SLC19A1: variants seen among roughly 807,000 people sequenced by gnomAD.
SLC19A1 encodes reduced folate transporter.
Under a neutral mutation model 35.3 loss-of-function variants are expected in SLC19A1, and 37 were observed. That is an observed-to-expected ratio of 1.05 (90% CI 0.81 to 1.38). SLC19A1 has a LOEUF of 1.38. Ranked by LOEUF, SLC19A1 falls within the 40% of genes most tolerant of loss-of-function variation. The pLI, the probability that SLC19A1 is intolerant of heterozygous loss-of-function variation, is 0.00. For synonymous variants in SLC19A1, 460 were observed against 398.5 expected, an observed-to-expected ratio of 1.15 and a Z score of -1.84; for missense variants, 831 against 826.9, an observed-to-expected ratio of 1.00 and a Z score of -0.06.
chr21:45,553,545 G>A lies in SLC19A1; in HGVS notation c.-50+9197C>T, dbSNP rs1379206332. ...ATTAAGGACATTCACACTGTTGTGC[G>A]GCCGTCACCCCCATCATCTCCAGAA... On this transcript the variant is annotated intron_variant, in intron 1 of 5. Coordinates refer to the SLC19A1 transcript ENST00000650808. Among the ~76,000 whole-genome samples, 5 of 151,184 alleles carry A rather than the reference G, an allele frequency of 3.3e-5. No individual in the cohort carries two copies. The East Asian group carries it at 5.9e-4, about 18-fold the overall frequency.
At chr21:45,547,069 T>A (rs765636312), upstream of SLC19A1, among the ~76,000 whole-genome samples, 4 of 152,250 alleles carry the variant, frequency 2.6e-5, no homozygotes, top group Non-Finnish European at 4.4e-5. Context: ...CAAAAGTAAT[T>A]GTACTTCTAT....
intron 1 of SLC19A1, among the ~76,000 whole-genome samples, chr21:45,551,081 ACT>A (rs1236201623): frequency 1.3e-5 from 2 of 150,338 alleles, no homozygotes; most frequent in African/African-American, 2.5e-5. Flanking sequence ...GGTTGGTTGC[ACT>A]CTCTGTTCCT....
At position 45,540,666 on chromosome 21, in the gene SLC19A1, C is replaced by T. The variant is rs1303418143; in HGVS notation, c.-50+1702G>A. ...CTTGGTCACCATCATAGAAACGCAG[C>T]CCCAAGCCAGGGGACGCCTAGACTC... On this transcript the variant is annotated intron_variant, in intron 1 of 5. Coordinates refer to ENST00000311124, the MANE Select transcript of SLC19A1 (RefSeq NM_194255.4). This position sits in a 1 kb window ranked among gnomAD's most constrained non-coding sequence, Gnocchi z 5.5. 6.6e-6 allele frequency among the ~76,000 whole-genome samples: 1 copy of T among 152,184 alleles called. No homozygotes were observed. Among genetic ancestry groups the T allele is most frequent in the Non-Finnish European group, 1.5e-5 (1 of 68,036 alleles).
intron 2 of SLC19A1, 92 bp from the exon 3 acceptor site, chr21:45,532,240 T>G: frequency 9.3e-7 from 1 of 1,072,198 alleles, no homozygotes; most frequent in Non-Finnish European, 1.4e-6. Flanking sequence ...TGCTGACGGC[T>G]TCCTGCCCCA....
intron 3 of SLC19A1, chr21:45,505,129 C>A: frequency 6.2e-7 from 1 of 1,608,304 alleles, no homozygotes. Flanking sequence ...TGTCGCCGTC[C>A]GTAGGGTCCC....
At chr21:45,503,721 G>T (rs1041400183) in intron 3 of SLC19A1, among the ~76,000 whole-genome samples, 14 of 151,208 alleles carry the variant, frequency 9.3e-5, no homozygotes, top group Non-Finnish European at 2.9e-5. Context: ...CACCAGCATG[G>T]CACATGTATA....
chr21:45,559,902 C>A (rs2078598778), intron 1 of SLC19A1, among the ~76,000 whole-genome samples: 1 of 152,210 alleles, frequency 6.6e-6, no homozygotes, highest in South Asian at 2.1e-4. Context: ...GGGCAGACAG[C>A]CCTCCACATG....
chr21:45,512,041 A>C (rs1191589027), downstream of SLC19A1: 8 of 830,164 alleles, frequency 9.6e-6, no homozygotes, highest in South Asian at 1.5e-5. Context: ...CAGGGAGGCC[A>C]TGTGGCCCTC....
rs775024500 is a variant in SLC19A1 at position 45,525,992 on chromosome 21, T to C, written c.1152-34A>G. 70 of 1,604,970 alleles carry C rather than the reference T, an allele frequency of 4.4e-5. 3 individuals are homozygous for C. In the South Asian group the frequency reaches 7.5e-4, roughly 17 times the overall value. ...GAAGAGCGGGCAGATCAGGCGCTGC[T>C]GGGAGAATAAGCAGCAGCCACAGGG... On this transcript the variant is annotated intron_variant, in intron 4 of 5. Coordinates refer to ENST00000311124, the MANE Select transcript of SLC19A1 (RefSeq NM_194255.4).
At chr21:45,511,405 T>C (rs185073476), downstream of SLC19A1, among the ~76,000 whole-genome samples, 5 of 152,216 alleles carry the variant, frequency 3.3e-5, no homozygotes, top group African/African-American at 9.6e-5. Flanking sequence ...TGAGAAGTCA[T>C]CATTAGCAAT....
In SLC19A1 at chr21:45,530,871, G is replaced by A. The variant is rs569954362; in HGVS notation, c.1050C>T (p.Val350=). 2 of 1,487,334 alleles carry A rather than the reference G, an allele frequency of 1.3e-6. No individual in the cohort carries two copies. The highest frequency in any genetic ancestry group is 2.4e-5 in the Admixed American group (1 of 42,344). The allele number at this position is 1,487,334 out of a possible 1,614,324, so 92.1% of individuals were successfully genotyped here. The change falls in exon 4 of 6, where the codon GTC becomes GTT. Residue 350 remains valine (V), a synonymous_variant. Transcript: ENST00000311124. This position sits in a 1 kb window ranked among gnomAD's most constrained non-coding sequence, Gnocchi z 5.3. ...GGTGGCGCGTGTGCGCCAGAAGGAA[G>A]ACCAGCCCCGCCTGCGTGGCCGTGA... ...AGVTATQAGL[V]FLLAHTRHPS...
intron 1 of SLC19A1, among the ~76,000 whole-genome samples, chr21:45,552,357 G>C (rs972921852): frequency 6.6e-6 from 1 of 152,110 alleles, no homozygotes; most frequent in Non-Finnish European, 1.5e-5. Context: ...GAACAAAACT[G>C]CCCTCCTGTC....
At chr21:45,509,950 A>G, downstream of SLC19A1, 5 of 1,244,622 alleles carry the variant, frequency 4.0e-6, no homozygotes, top group Non-Finnish European at 5.5e-6. Context: ...CCTCCCGCTC[A>G]GCGCCCCTCG....
At chr21:45,520,533 A>C (rs1056344325) in intron 5 of SLC19A1, among the ~76,000 whole-genome samples, 2 of 152,232 alleles carry the variant, frequency 1.3e-5, no homozygotes, top group Non-Finnish European at 2.9e-5. Context: ...TATCAACTAC[A>C]TTTCTATACA....
intron 3 of SLC19A1, among the ~76,000 whole-genome samples, chr21:45,503,709 C>T (rs561118456): frequency 3.9e-4 from 59 of 151,710 alleles, no homozygotes; most frequent in East Asian, 7.7e-4. Context: ...GTGGGTGCAG[C>T]ACACCAGCAT....
intron 5 of SLC19A1, among the ~76,000 whole-genome samples, chr21:45,520,833 C>T (rs1449197496): frequency 6.6e-6 from 1 of 152,050 alleles, no homozygotes; most frequent in Non-Finnish European, 1.5e-5. Context: ...CTAGCCTGGC[C>T]AACATGGAGA....
chr21:45,511,401 GTCA>G (rs1265963092), downstream of SLC19A1, among the ~76,000 whole-genome samples: 2 of 152,142 alleles, frequency 1.3e-5, no homozygotes, highest in East Asian at 1.9e-4. Context: ...GCTCTGAGAA[GTCA>G]TCATTAGCAA....
At chr21:45,553,111 G>A (rs1331002115) in intron 1 of SLC19A1, among the ~76,000 whole-genome samples, 2 of 152,122 alleles carry the variant, frequency 1.3e-5, no homozygotes, top group Non-Finnish European at 2.9e-5. Flanking sequence ...CGGAGCGGGG[G>A]CCTCGCTGGA....
At chr21:45,545,332 G>A (rs1380173393), upstream of SLC19A1, among the ~76,000 whole-genome samples, 1 of 152,022 alleles carries the variant, frequency 6.6e-6, no homozygotes, top group Non-Finnish European at 1.5e-5. Context: ...TTCTTGTTCA[G>A]TTAGCTCACT....
Sources: allele counts gnomAD v4.1 joint callset (sites outside exome capture counted in the v4.1 genomes callset), GRCh38; gene constraint gnomAD v4.1.1; non-coding constraint Gnocchi (gnomAD v3.1); transcripts MANE v1.5; gene names NCBI Gene and HGNC (gene_info 2026-07-23, HGNC 2026-07-21).